Variants in ARK2C observed in about 807,000 individuals in gnomAD.
ARK2C encodes arkadia (RNF111) C-terminal like ring finger ubiquitin ligase 2C, also known as E3 ubiquitin-protein ligase ARK2C.
the ARK2C span, among the ~76,000 whole-genome samples, chr18:46,358,556 G>A: frequency 1.9e-3 from 282 of 152,274 alleles, 2 homozygotes; most frequent in African/African-American, 6.4e-3. Flanking sequence ...GCCTCCCTCT[G>A]TGACCTTCCT....
the ARK2C span, chr18:46,450,382 C>A: frequency 1.2e-6 from 2 of 1,612,342 alleles, no homozygotes; most frequent in Non-Finnish European, 8.5e-7. Context: ...ACACCTCCGC[C>A]GTACGGGAGA....
the ARK2C span, among the ~76,000 whole-genome samples, chr18:46,380,218 G>A: frequency 1.3e-5 from 2 of 152,346 alleles, no homozygotes; most frequent in East Asian, 3.9e-4. Flanking sequence ...CCTTTTGGCT[G>A]TGCCAGTCTC....
chr18:46,417,463 T>A, the ARK2C span, among the ~76,000 whole-genome samples: 1 of 152,284 alleles, frequency 6.6e-6, no homozygotes, highest in African/African-American at 2.4e-5. Flanking sequence ...GGCCTTTGCG[T>A]GTGCAGTTCT....
the ARK2C span, among the ~76,000 whole-genome samples, chr18:46,402,325 A>C: frequency 2.0e-5 from 3 of 148,068 alleles, no homozygotes; most frequent in Non-Finnish European, 4.4e-5. Context: ...CTTCCCTCTA[A>C]ATCTGATTTT....
chr18:46,400,320 T>C, the ARK2C span, among the ~76,000 whole-genome samples: 2 of 152,202 alleles, frequency 1.3e-5, no homozygotes, highest in South Asian at 4.1e-4. Flanking sequence ...GACAGGAACC[T>C]GATTGTTCAT....
the ARK2C span, among the ~76,000 whole-genome samples, chr18:46,392,378 C>G: frequency 1.3e-5 from 2 of 152,198 alleles, no homozygotes; most frequent in Non-Finnish European, 2.9e-5. Flanking sequence ...CTGGTGTCCA[C>G]TCTGTAAGCT....
At chr18:46,334,245 G>C in the ARK2C span, 1 of 1,433,824 alleles carries the variant, frequency 7.0e-7, no homozygotes, top group Non-Finnish European at 9.2e-7. This position sits in a 1 kb window ranked among gnomAD's most constrained non-coding sequence, Gnocchi z 4.4. Context: ...GCGCGCAGCC[G>C]CCGCCGCCGC....
At chr18:46,363,715 G>T in the ARK2C span, among the ~76,000 whole-genome samples, 2 of 152,144 alleles carry the variant, frequency 1.3e-5, no homozygotes, top group Non-Finnish European at 2.9e-5. Context: ...GTTATAATGA[G>T]CTGGCCTTGT....
At chr18:46,405,259 C>A in the ARK2C span, among the ~76,000 whole-genome samples, 25 of 152,232 alleles carry the variant, frequency 1.6e-4, no homozygotes, top group Middle Eastern at 3.4e-3. Flanking sequence ...GCTCTGAGGG[C>A]TCCCCAGAAA....
At chr18:46,375,530 G>T in the ARK2C span, among the ~76,000 whole-genome samples, 1 of 150,170 alleles carries the variant, frequency 6.7e-6, no homozygotes, top group African/African-American at 2.5e-5. Context: ...CTCCAGCCTG[G>T]GTGACAGAGT....
chr18:46,409,269 C>G, the ARK2C span, among the ~76,000 whole-genome samples: 2 of 152,152 alleles, frequency 1.3e-5, no homozygotes, highest in Non-Finnish European at 2.9e-5. Context: ...ATACCTTTGC[C>G]AGGACAGACA....
At chr18:46,377,411 A>C in the ARK2C span, among the ~76,000 whole-genome samples, 2 of 152,144 alleles carry the variant, frequency 1.3e-5, no homozygotes, top group Non-Finnish European at 2.9e-5. Flanking sequence ...GACAAATAAA[A>C]AGCAGTAACA....
chr18:46,354,653 G>A, the ARK2C span, among the ~76,000 whole-genome samples: 1 of 152,200 alleles, frequency 6.6e-6, no homozygotes, highest in Non-Finnish European at 1.5e-5. Context: ...AGATGCATGC[G>A]CTTTCACATT....
the ARK2C span, among the ~76,000 whole-genome samples, chr18:46,374,426 C>T: frequency 6.6e-6 from 1 of 152,144 alleles, no homozygotes; most frequent in East Asian, 1.9e-4. Flanking sequence ...CCATTCTCCT[C>T]CCGCCAGCCC....
the ARK2C span, among the ~76,000 whole-genome samples, chr18:46,439,219 A>C: frequency 1.3e-5 from 2 of 152,182 alleles, no homozygotes; most frequent in Non-Finnish European, 2.9e-5. Context: ...GACTCCCCTG[A>C]AGGCTGATGG....
the ARK2C span, among the ~76,000 whole-genome samples, chr18:46,349,705 C>T: frequency 6.6e-6 from 1 of 152,192 alleles, no homozygotes; most frequent in African/African-American, 2.4e-5. Context: ...TCCTTCCCAC[C>T]TTCTGTCTTA....
At chr18:46,364,102 C>T in the ARK2C span, among the ~76,000 whole-genome samples, 4 of 151,826 alleles carry the variant, frequency 2.6e-5, no homozygotes, top group African/African-American at 7.2e-5. Flanking sequence ...CAGGGACCAC[C>T]ATGTCCGGCT....
chr18:46,413,125 T>G, the ARK2C span, among the ~76,000 whole-genome samples: 1 of 152,082 alleles, frequency 6.6e-6, no homozygotes, highest in East Asian at 1.9e-4. Context: ...TGAACTCGGT[T>G]TTGAAAATTG....
the ARK2C span, among the ~76,000 whole-genome samples, chr18:46,412,427 T>C: frequency 1.3e-5 from 2 of 152,194 alleles, no homozygotes; most frequent in Non-Finnish European, 2.9e-5. Flanking sequence ...TGGTAGCAGC[T>C]CACAGCTGCC....
Sources: allele counts gnomAD v4.1 joint callset (sites outside exome capture counted in the v4.1 genomes callset), GRCh38; gene constraint gnomAD v4.1.1; non-coding constraint Gnocchi (gnomAD v3.1); transcripts MANE v1.5; gene names NCBI Gene and HGNC (gene_info 2026-07-23, HGNC 2026-07-21).